The following MAPKAP1 variants were observed in gnomAD, a reference collection of about 807,000 sequenced individuals.
MAPKAP1 encodes the protein MAPK associated protein 1.
Under a neutral mutation model 65.7 loss-of-function variants are expected in MAPKAP1, and 20 were observed. That is an observed-to-expected ratio of 0.30 (90% confidence interval 0.21 to 0.44). The LOEUF is 0.44. Ranked by LOEUF, MAPKAP1 falls within the 20% of genes least tolerant of loss-of-function variation. The pLI is 1.00. For synonymous variants in MAPKAP1, 222 were observed against 244.3 expected (o/e 0.91, Z 0.85); for missense variants, 423 against 648.0 (o/e 0.65, Z 3.77).
intron 3 of MAPKAP1, among the ~76,000 whole-genome samples, chr9:125,663,835 G>A (rs1303374414): frequency 6.6e-6 from 1 of 151,996 alleles, no homozygotes; most frequent in Non-Finnish European, 1.5e-5. Flanking sequence ...TTTGTTATTT[G>A]CAACTAAAAA....
At chr9:125,695,332 C>T (rs1432093743) in intron 1 of MAPKAP1, among the ~76,000 whole-genome samples, 1 of 152,196 alleles carries the variant, frequency 6.6e-6, no homozygotes, top group East Asian at 1.9e-4. Flanking sequence ...TGCTAATCTC[C>T]TAATTAACAA....
chr9:125,664,490 CGAGGCGAG>C (rs2131776719), intron 3 of MAPKAP1, among the ~76,000 whole-genome samples: 1 of 151,234 alleles, frequency 6.6e-6, no homozygotes, highest in South Asian at 2.1e-4. Context: ...TTTAGGAGGC[CGAGGCGAG>C]AAGATCACTT....
intron 1 of MAPKAP1, among the ~76,000 whole-genome samples, chr9:125,697,655 C>T (rs1007137410): frequency 6.6e-6 from 1 of 152,082 alleles, no homozygotes; most frequent in East Asian, 1.9e-4. Flanking sequence ...TCTTTGAACA[C>T]GAATATCTTT....
chr9:125,523,084 T>C lies in MAPKAP1; in HGVS notation c.959-16667A>G, dbSNP rs144137002. Among the ~76,000 whole-genome samples, 438 of 152,282 alleles carry C rather than the reference T, an allele frequency of 2.9e-3. 4 individuals carry two copies. Among genetic ancestry groups the C allele is most frequent in the African/African-American group, 1.0e-2 (414 of 41,558 alleles). ...GCACCAGTTAACGTCTTCAAGGCAA[T>C]AGGATTTCTACAATCCCCAGCCAAC... On this transcript the variant is annotated intron_variant, in intron 7 of 11. Coordinates refer to ENST00000265960, the MANE Select transcript of MAPKAP1 (RefSeq NM_001006617.3).
chr9:125,701,332 A>G (rs551190002), intron 1 of MAPKAP1, among the ~76,000 whole-genome samples: 1 of 152,352 alleles, frequency 6.6e-6, no homozygotes, highest in Admixed American at 6.5e-5. Flanking sequence ...ACTCAAGTAT[A>G]GGATATTACG....
intron 6 of MAPKAP1, among the ~76,000 whole-genome samples, chr9:125,545,446 AAT>A (rs1830395736): frequency 6.6e-6 from 1 of 152,146 alleles, no homozygotes. Context: ...CATCTGTGAC[AAT>A]ATGTTGGGCG....
At chr9:125,647,724 T>G (rs1277400690) in intron 4 of MAPKAP1, among the ~76,000 whole-genome samples, 1 of 152,230 alleles carries the variant, frequency 6.6e-6, no homozygotes, top group Non-Finnish European at 1.5e-5. Context: ...CCATTTTATT[T>G]ATCAGTGCAC....
intron 4 of MAPKAP1, among the ~76,000 whole-genome samples, chr9:125,651,376 G>A (rs1001977357): frequency 2.0e-5 from 3 of 152,064 alleles, no homozygotes; most frequent in Non-Finnish European, 2.9e-5. Flanking sequence ...AGGCCGAGGC[G>A]GGCAGATCAC....
At chr9:125,470,014 T>C (rs1168822542) in intron 9 of MAPKAP1, among the ~76,000 whole-genome samples, 2 of 152,170 alleles carry the variant, frequency 1.3e-5, no homozygotes, top group African/African-American at 4.8e-5. Context: ...TAAACATGCA[T>C]ATCTCTTATG....
rs1268556523 is a variant in MAPKAP1, at chr9:125,447,100, G to GAAAGGCTGCA, written c.1346-2512_1346-2503dup. Reference sequence around the variant, plus strand: ...AAAATCATACCAAGCCAAGTCTCCTGAAAGGCTGCATATTTGAACCAAGTA... The same window carrying GAAAGGCTGCA: ...AAAATCATACCAAGCCAAGTCTCCTGAAAGGCTGCAAAAGGCTGCATATTTGAACCAAGTA... On this transcript the variant is annotated intron_variant, in intron 10 of 11. Transcript: ENST00000265960. The surrounding 1 kb of genome is among the most constrained non-coding windows in gnomAD (Gnocchi z 4.5). Among the ~76,000 whole-genome samples, 1 of 152,124 alleles carries GAAAGGCTGCA rather than the reference G, an allele frequency of 6.6e-6. No individual in the cohort carries two copies. The highest frequency in any genetic ancestry group is 1.5e-5 in the Non-Finnish European group (1 of 68,022).
intron 9 of MAPKAP1, among the ~76,000 whole-genome samples, chr9:125,477,792 T>C (rs964756784): frequency 6.6e-5 from 10 of 152,178 alleles, no homozygotes; most frequent in African/African-American, 4.8e-5. Context: ...ACCAGCCCGT[T>C]TGGGTGGCAC....
intron 3 of MAPKAP1, among the ~76,000 whole-genome samples, chr9:125,668,423 A>C (rs1056171826): frequency 6.6e-6 from 1 of 152,222 alleles, no homozygotes; most frequent in African/African-American, 2.4e-5. Flanking sequence ...AATAAACCTT[A>C]ATATTATTAG....
At chr9:125,446,095 A>G (rs1319832224) in intron 10 of MAPKAP1, among the ~76,000 whole-genome samples, 1 of 152,188 alleles carries the variant, frequency 6.6e-6, no homozygotes, top group Non-Finnish European at 1.5e-5. Context: ...TTAATTAATA[A>G]TATATCACCC....
At chr9:125,498,075 C>A (rs1828861017) in intron 8 of MAPKAP1, among the ~76,000 whole-genome samples, 1 of 152,162 alleles carries the variant, frequency 6.6e-6, no homozygotes, top group Non-Finnish European at 1.5e-5. Flanking sequence ...TGGTATGATT[C>A]CAGCTTCTAG....
At chr9:125,549,301 A>G (rs1290873618) in intron 6 of MAPKAP1, among the ~76,000 whole-genome samples, 1 of 152,228 alleles carries the variant, frequency 6.6e-6, no homozygotes, top group Admixed American at 6.5e-5. Flanking sequence ...CCCAATAGTG[A>G]TGAAGACACA....
In MAPKAP1 at chr9:125,597,857, C is replaced by T. The variant is rs544194220; in HGVS notation, c.499-12130G>A. On this transcript the variant is annotated intron_variant, in intron 4 of 11. Transcript: ENST00000265960. ...TCCATCAGTACCTTTATCCCAACTT[C>T]CTCAAGAAGGACCAAAGGATGCTAT... 1.0e-3 allele frequency among the ~76,000 whole-genome samples: 154 copies of T among 152,292 alleles called. 2 individuals are homozygous for T. The highest frequency in any genetic ancestry group is 9.9e-3 in the Admixed American group (151 of 15,300).
chr9:125,598,515 C>A (rs2131605318), intron 4 of MAPKAP1, among the ~76,000 whole-genome samples: 1 of 152,268 alleles, frequency 6.6e-6, no homozygotes, highest in Admixed American at 6.5e-5. Context: ...AGGTCAAGTT[C>A]TGATCTGGGT....
chr9:125,562,157 G>A (rs1248374217), intron 5 of MAPKAP1, among the ~76,000 whole-genome samples: 3 of 152,318 alleles, frequency 2.0e-5, no homozygotes, highest in East Asian at 1.9e-4. Flanking sequence ...AAGCAGAAAA[G>A]TCCAACAATG....
At chr9:125,460,695 C>A (rs1199046758) in intron 10 of MAPKAP1, among the ~76,000 whole-genome samples, 2 of 152,172 alleles carry the variant, frequency 1.3e-5, no homozygotes, top group African/African-American at 4.8e-5. Context: ...ACATTGGTAC[C>A]ATCTATCATA....
Sources: allele counts gnomAD v4.1 joint callset (sites outside exome capture counted in the v4.1 genomes callset), GRCh38; gene constraint gnomAD v4.1.1; non-coding constraint Gnocchi (gnomAD v3.1); transcripts MANE v1.5; gene names NCBI Gene and HGNC (gene_info 2026-07-23, HGNC 2026-07-21).